Variants in TOR1AIP2 observed in about 807,000 individuals in gnomAD.
TOR1AIP2 encodes torsin 1A interacting protein 2.
TOR1AIP2 carries 20 observed loss-of-function variants against 32.6 expected under a neutral mutation model. The observed-to-expected ratio is 0.61, with a 90% CI of 0.43 to 0.89. The LOEUF (loss-of-function observed/expected upper bound fraction) is 0.89, where lower values mean the gene tolerates loss of function less well. TOR1AIP2 is among the 40% of genes least tolerant of loss of function. The pLI, the probability that TOR1AIP2 is intolerant of heterozygous loss-of-function variation, is 0.00. For synonymous variants in TOR1AIP2, 214 were observed against 210.8 expected (o/e 1.02, Z -0.13); for missense variants, 456 against 553.8 (o/e 0.82, Z 1.77).
intron 2 of TOR1AIP2, among the ~76,000 whole-genome samples, chr1:179,873,404 A>G (rs1252640277): frequency 2.0e-5 from 3 of 152,234 alleles, no homozygotes; most frequent in Non-Finnish European, 4.4e-5. Flanking sequence ...TAAAAAGATT[A>G]TGCATTTTTG....
At chr1:179,856,431 C>T (rs2148435667) in intron 3 of TOR1AIP2, among the ~76,000 whole-genome samples, 1 of 152,328 alleles carries the variant, frequency 6.6e-6, no homozygotes, top group Middle Eastern at 3.4e-3. Context: ...TCACAAAGCA[C>T]ACACAGATCC....
chr1:179,864,989 A>G (rs1386263132), intron 3 of TOR1AIP2: 1 of 1,614,062 alleles, frequency 6.2e-7, no homozygotes, highest in Admixed American at 1.7e-5. Context: ...CCAAGGAAGA[A>G]CAAGGCTTCT....
At chr1:179,861,718 A>C in intron 3 of TOR1AIP2, 1 of 985,420 alleles carries the variant, frequency 1.0e-6, no homozygotes, top group Non-Finnish European at 1.2e-6. Context: ...AAATGGTACT[A>C]TCTTGCAGTA....
rs115892642 is a variant in TOR1AIP2, at chr1:179,850,795, A to T, written c.553+50T>A. 467 of 1,556,532 alleles carry T rather than the reference A, an allele frequency of 3.0e-4. 3 individuals carry two copies. In the African/African-American group the frequency reaches 5.5e-3, roughly 18 times the overall value. On this transcript the variant is annotated intron_variant, in intron 5 of 6. Coordinates refer to ENST00000609928, the MANE Select transcript of TOR1AIP2 (RefSeq NM_001199260.2). ...GGCCTCTGACTTCTGCTGTGTTCTC[A>T]GTTAACAGAGCAGTACAAAACAGGA...
At chr1:179,870,184 C>G (rs1696957063) in intron 2 of TOR1AIP2, among the ~76,000 whole-genome samples, 1 of 152,156 alleles carries the variant, frequency 6.6e-6, no homozygotes, top group Non-Finnish European at 1.5e-5. Flanking sequence ...ATCACGAGGT[C>G]AGGAGATGGA....
At chr1:179,854,215 G>C (rs1696213906) in intron 3 of TOR1AIP2, among the ~76,000 whole-genome samples, 1 of 152,102 alleles carries the variant, frequency 6.6e-6, no homozygotes, top group African/African-American at 2.4e-5. Flanking sequence ...AAGATCTTTA[G>C]ACAGTGGTGA....
At chr1:179,859,349 C>T (rs6666510) in intron 3 of TOR1AIP2, 157,018 of 942,968 alleles carry the variant, frequency 0.17, 13,947 homozygotes, top group Non-Finnish European at 0.18. Flanking sequence ...AAGTTAAGAA[C>T]GTTACCCAAG....
Position 179,875,967 on chromosome 1 carries a change from G to A in TOR1AIP2, c.-566+1272C>T, listed in dbSNP as rs188759426. ...GTTCATATGATGTAGAAATATTAAT[G>A]AAATTTTAACACAATCAAAATTCTA... On this transcript the variant is annotated intron_variant, in intron 2 of 6. Coordinates refer to ENST00000609928, the MANE Select transcript of TOR1AIP2 (RefSeq NM_001199260.2). The A allele has an allele frequency of 4.8e-3, 738 of 152,300 alleles. 7 individuals carry two copies. The highest frequency in any genetic ancestry group is 0.017 in the African/African-American group (706 of 41,568). The allele number at this position is 152,300 out of a possible 1,614,324, so 9.4% of individuals were successfully genotyped here.
intron 3 of TOR1AIP2, among the ~76,000 whole-genome samples, chr1:179,858,760 G>C (rs1326481243): frequency 6.6e-6 from 1 of 152,132 alleles, no homozygotes; most frequent in Admixed American, 6.5e-5. Context: ...ATCAGAGCTG[G>C]GAGAGCAAAA....
At chr1:179,849,538 T>G (rs1696038708) in intron 5 of TOR1AIP2, among the ~76,000 whole-genome samples, 1 of 152,212 alleles carries the variant, frequency 6.6e-6, no homozygotes, top group Non-Finnish European at 1.5e-5. Context: ...CTAGATTTTT[T>G]TAAACAATAT....
Position 179,844,355 on chromosome 1 carries a change from T to C in TOR1AIP2, c.*1716A>G, listed in dbSNP as rs1695822343. ...AGCAATTACTCAATTGTAATCTTTT[T>C]AGGTATCAGTAAAGATCCCTGTATC... On this transcript the variant is annotated 3_prime_UTR_variant, in exon 7 of 7. Transcript: ENST00000609928. The C allele has an allele frequency of 6.6e-6, 1 of 152,226 alleles. No individual in the cohort carries two copies. Among genetic ancestry groups the C allele is most frequent in the African/African-American group, 2.4e-5 (1 of 41,450 alleles). 9.4% of individuals were successfully genotyped at this position (152,226 alleles called of 1,614,324 possible).
intron 2 of TOR1AIP2, among the ~76,000 whole-genome samples, chr1:179,870,413 T>A (rs2794585): frequency 0.46 from 69,254 of 150,736 alleles, 17,691 homozygotes; most frequent in African/African-American, 0.7. Context: ...AAAAAAAAAA[T>A]TTTTTTTACA....
chr1:179,848,332 C>T (rs1455598535), intron 5 of TOR1AIP2, among the ~76,000 whole-genome samples: 2 of 152,252 alleles, frequency 1.3e-5, no homozygotes, highest in South Asian at 2.1e-4. Flanking sequence ...TTCCAGTGTT[C>T]GAGTTTCACA....
At chr1:179,847,499 G>A in intron 6 of TOR1AIP2, 36 bp downstream of exon 6, 3 of 1,375,998 alleles carry the variant, frequency 2.2e-6, no homozygotes, top group Non-Finnish European at 3.1e-6. Flanking sequence ...TTCTGAAAGT[G>A]AATCAACACT....
chr1:179,858,898 G>A, intron 3 of TOR1AIP2: 1 of 489,488 alleles, frequency 2.0e-6, no homozygotes. Flanking sequence ...GTATCAGGAA[G>A]TACTAAGACC....
chr1:179,849,747 G>C (rs1273689091), intron 5 of TOR1AIP2, among the ~76,000 whole-genome samples: 1 of 152,160 alleles, frequency 6.6e-6, no homozygotes, highest in African/African-American at 2.4e-5. Context: ...GTAAGTAATT[G>C]CACCTAGTTT....
chr1:179,876,966 A>C (rs1275197162), intron 2 of TOR1AIP2, among the ~76,000 whole-genome samples: 1 of 150,902 alleles, frequency 6.6e-6, no homozygotes, highest in Non-Finnish European at 1.5e-5. Context: ...CTAAAACTTC[A>C]ACTTTGCCCT....
chr1:179,865,259 A>G, intron 3 of TOR1AIP2, 177 bp downstream of exon 3: 2 of 1,475,354 alleles, frequency 1.4e-6, no homozygotes, highest in Non-Finnish European at 9.0e-7. Context: ...CACCAGTCCT[A>G]TTACAGGTTT....
chr1:179,864,220 C>T, intron 3 of TOR1AIP2: 1 of 985,380 alleles, frequency 1.0e-6, no homozygotes, highest in African/African-American at 1.7e-5. Context: ...TGAGGATGGG[C>T]CAAACAGGGC....
Sources: gnomAD v4.1 joint callset for allele counts (sites outside exome capture counted in the v4.1 genomes callset) on GRCh38, gnomAD v4.1.1 for gene constraint, MANE v1.5 for transcripts, NCBI Gene and HGNC (gene_info 2026-07-23, HGNC 2026-07-21) for gene names.